Variants in PPCDC observed in about 807,000 individuals in gnomAD.
The protein encoded by PPCDC is phosphopantothenoylcysteine decarboxylase.
Under a neutral mutation model 20.7 loss-of-function variants are expected in PPCDC, and 20 were observed. That is an observed-to-expected ratio of 0.97 (90% CI 0.68 to 1.41). The LOEUF (loss-of-function observed/expected upper bound fraction) is 1.41, where lower values mean the gene tolerates loss of function less well. Among genes scored for constraint, PPCDC ranks in the 40% most tolerant of loss-of-function variants. The pLI, the probability that PPCDC is intolerant of heterozygous loss-of-function variation, is 0.00. For synonymous variants in PPCDC, 88 were observed against 100.3 expected, an observed-to-expected ratio of 0.88 and a Z score of 0.73; for missense variants, 246 against 263.8, an observed-to-expected ratio of 0.93 and a Z score of 0.47.
intron 4 of PPCDC, 39 bp from the exon 5 acceptor site, chr15:75,048,513 CA>C: frequency 6.3e-7 from 1 of 1,597,206 alleles, no homozygotes; most frequent in Non-Finnish European, 8.5e-7. Context: ...GGGTGGCAGA[CA>C]GAGTAGCAAG....
At chr15:75,031,574 G>A (rs899498149) in intron 2 of PPCDC, among the ~76,000 whole-genome samples, 11 of 152,066 alleles carry the variant, frequency 7.2e-5, no homozygotes, top group African/African-American at 2.7e-4. Context: ...GGTTGTGGTG[G>A]GCGCCTATAA....
intron 2 of PPCDC, among the ~76,000 whole-genome samples, chr15:75,035,363 G>T (rs576511278): frequency 1.3e-5 from 2 of 152,286 alleles, no homozygotes; most frequent in East Asian, 3.9e-4. Context: ...GTCTCATCCT[G>T]TGGCTGCGAA....
intron 2 of PPCDC, among the ~76,000 whole-genome samples, chr15:75,032,693 A>G (rs1284482435): frequency 6.6e-6 from 1 of 150,878 alleles, no homozygotes; most frequent in Non-Finnish European, 1.5e-5. Flanking sequence ...ATGGAAGCGG[A>G]ATAAGCAGGG....
chr15:75,038,099 C>CA (rs1206470073), intron 2 of PPCDC, among the ~76,000 whole-genome samples: 1 of 152,156 alleles, frequency 6.6e-6, no homozygotes, highest in African/African-American at 2.4e-5. Context: ...GGATAGTAGA[C>CA]AAAGTATTTT....
Position 75,049,144 on chromosome 15 carries a change from T to A in PPCDC, c.530-6T>A. ...CTGTCTGGCCACAGCGGAATTTTGC[T>A]CCCAGGTCTCGGGGCCATGGCTGAA... On this transcript the variant is annotated splice_region_variant and splice_polypyrimidine_tract_variant and intron_variant, in intron 5 of 5. Coordinates refer to ENST00000342932, the MANE Select transcript of PPCDC (RefSeq NM_021823.5). The A allele has an allele frequency of 6.2e-7, 1 of 1,613,848 alleles. No homozygotes were observed. Among genetic ancestry groups the A allele is most frequent in the Non-Finnish European group, 8.5e-7 (1 of 1,179,888 alleles).
At chr15:75,043,628 A>G in intron 3 of PPCDC, 92 bp downstream of exon 3, 1 of 1,162,822 alleles carries the variant, frequency 8.6e-7, no homozygotes, top group African/African-American at 1.5e-5. Flanking sequence ...GGCAGCTGGA[A>G]CAGACAGGCT....
chr15:75,048,373 G>A (rs1355918575), intron 4 of PPCDC, among the ~76,000 whole-genome samples, 180 bp from the exon 5 acceptor site: 2 of 152,218 alleles, frequency 1.3e-5, no homozygotes, highest in African/African-American at 4.8e-5. Flanking sequence ...CCTGTGGGGA[G>A]GTGGAGAGAG....
intron 2 of PPCDC, among the ~76,000 whole-genome samples, chr15:75,042,977 G>A (rs2066171952): frequency 6.6e-6 from 1 of 152,236 alleles, no homozygotes; most frequent in Non-Finnish European, 1.5e-5. Context: ...AGGACATGCC[G>A]CGCCCCAGCC....
At chr15:75,028,586 G>A (rs1388165535) in intron 2 of PPCDC, 133 bp downstream of exon 2, 2 of 1,280,138 alleles carry the variant, frequency 1.6e-6, no homozygotes, top group East Asian at 5.0e-5. Flanking sequence ...TGGAGGTCCT[G>A]TGTGTGTGGT....
intron 4 of PPCDC, among the ~76,000 whole-genome samples, chr15:75,047,827 G>C (rs2066257973): frequency 6.6e-6 from 1 of 152,206 alleles, no homozygotes; most frequent in Admixed American, 6.5e-5. Context: ...GTCAGGATTT[G>C]AACTCAGGGC....
chr15:75,035,031 T>C (rs1389576131), intron 2 of PPCDC, among the ~76,000 whole-genome samples: 1 of 152,124 alleles, frequency 6.6e-6, no homozygotes, highest in Non-Finnish European at 1.5e-5. Flanking sequence ...TTAAATTAAT[T>C]AGAATTTAAT....
chr15:75,027,371 T>G (rs2065970660), intron 1 of PPCDC, among the ~76,000 whole-genome samples: 1 of 152,088 alleles, frequency 6.6e-6, no homozygotes, highest in Non-Finnish European at 1.5e-5. Context: ...TTATCATGAG[T>G]GCACACTTCT....
rs547740768 is a variant in PPCDC at position 75,046,052 on chromosome 15, C to T, written c.360+1538C>T. On this transcript the variant is annotated intron_variant, in intron 4 of 5. Coordinates refer to ENST00000342932, the MANE Select transcript of PPCDC (RefSeq NM_021823.5). ...ATGGTGAAACTCCATCTCTACAAAACATATAAAAAAAATTAGCCAGGTGTG... is the reference window on the plus strand; with the variant it reads ...ATGGTGAAACTCCATCTCTACAAAATATATAAAAAAAATTAGCCAGGTGTG... Among the ~76,000 whole-genome samples the T allele has an allele frequency of 1.8e-4, 27 of 151,300 alleles. No individual in the cohort carries two copies. The South Asian group carries it at 5.6e-3, about 31-fold the overall frequency.
At chr15:75,046,738 C>T (rs867479321) in intron 4 of PPCDC, among the ~76,000 whole-genome samples, 11 of 152,274 alleles carry the variant, frequency 7.2e-5, no homozygotes, top group Admixed American at 4.6e-4. Context: ...CTCCTCCATC[C>T]GCAGACCTCC....
intron 1 of PPCDC, among the ~76,000 whole-genome samples, chr15:75,027,064 G>T (rs1467496713): frequency 1.3e-5 from 2 of 152,198 alleles, no homozygotes; most frequent in South Asian, 4.1e-4. Flanking sequence ...ATTAGACCCG[G>T]TCACACATTC....
intron 2 of PPCDC, among the ~76,000 whole-genome samples, chr15:75,041,002 T>G (rs1355621215): frequency 6.6e-6 from 1 of 152,222 alleles, no homozygotes; most frequent in African/African-American, 2.4e-5. Context: ...TCTCTCTGCT[T>G]CTTTTTCTCC....
intron 2 of PPCDC, among the ~76,000 whole-genome samples, chr15:75,034,839 A>G (rs549976938): frequency 1.3e-5 from 2 of 152,206 alleles, no homozygotes; most frequent in East Asian, 1.9e-4. Context: ...ATCACGCCCT[A>G]CTAGAAACGC....
At chr15:75,035,359 T>C (rs1158152030) in intron 2 of PPCDC, among the ~76,000 whole-genome samples, 1 of 152,162 alleles carries the variant, frequency 6.6e-6, no homozygotes, top group Non-Finnish European at 1.5e-5. Flanking sequence ...ATTTGTCTCA[T>C]CCTGTGGCTG....
At chr15:75,042,993 C>T (rs923644954) in intron 2 of PPCDC, among the ~76,000 whole-genome samples, 10 of 152,350 alleles carry the variant, frequency 6.6e-5, no homozygotes, top group South Asian at 2.1e-4. Context: ...CAGCCCCCAG[C>T]GCCTTGGCCT....
Sources: gnomAD v4.1 joint callset for allele counts (sites outside exome capture counted in the v4.1 genomes callset) on GRCh38, gnomAD v4.1.1 for gene constraint, MANE v1.5 for transcripts, NCBI Gene and HGNC (gene_info 2026-07-23, HGNC 2026-07-21) for gene names.